Variants in SPAG16 observed in about 807,000 individuals in gnomAD.
The protein encoded by SPAG16 is sperm-associated antigen 16 protein.
Under a neutral mutation model 80.4 loss-of-function variants are expected in SPAG16, and 86 were observed. The ratio of observed to expected loss-of-function variants is 1.07; its 90% CI spans 0.90 to 1.28. SPAG16 has a LOEUF of 1.28. SPAG16 is among the 50% of genes most tolerant of loss of function. The pLI, the probability that SPAG16 is intolerant of heterozygous loss-of-function variation, is 0.00. For missense variants in SPAG16, 870 were observed against 765.3 expected, an observed-to-expected ratio of 1.14 and a Z score of -1.61; for synonymous variants, 294 against 265.9, an observed-to-expected ratio of 1.11 and a Z score of -1.03.
chr2:213,597,542 A>G (rs1181265644), intron 10 of SPAG16, among the ~76,000 whole-genome samples: 6 of 152,172 alleles, frequency 3.9e-5, no homozygotes, highest in African/African-American at 7.2e-5. Flanking sequence ...AATTTACTGA[A>G]ACAAGATTTT....
chr2:214,360,053 G>A (rs1162990009), intron 15 of SPAG16, among the ~76,000 whole-genome samples: 2 of 151,738 alleles, frequency 1.3e-5, no homozygotes, highest in African/African-American at 4.8e-5. Flanking sequence ...ACAGAACTTG[G>A]TCAGCAATTT....
chr2:214,197,863 T>C (rs894335837), intron 15 of SPAG16, among the ~76,000 whole-genome samples: 1 of 151,782 alleles, frequency 6.6e-6, no homozygotes, highest in African/African-American at 2.4e-5. Context: ...TTCTAAAATA[T>C]ATATATATTA....
chr2:213,597,780 TTC>T lies in SPAG16; in HGVS notation c.1070+107694_1070+107695del, dbSNP rs573814601. On this transcript the variant is annotated intron_variant, in intron 10 of 15. Coordinates refer to ENST00000331683, the MANE Select transcript of SPAG16 (RefSeq NM_024532.5). ...TTAAATCTTTTGCCCCCCCAAAAAC[TTC>T]TCTGACATATTTTAAGATGGCTATT... Among the ~76,000 whole-genome samples, 356 of 152,240 alleles carry T rather than the reference TTC, an allele frequency of 2.3e-3. 2 individuals carry two copies. The highest frequency in any genetic ancestry group is 8.1e-3 in the African/African-American group (337 of 41,544).
chr2:214,302,392 G>C (rs1694617409), intron 15 of SPAG16, among the ~76,000 whole-genome samples: 2 of 152,134 alleles, frequency 1.3e-5, no homozygotes, highest in African/African-American at 4.8e-5. Context: ...TGCTGTCAAT[G>C]GGGTGTCAAA....
intron 12 of SPAG16, among the ~76,000 whole-genome samples, chr2:213,939,985 T>G (rs990531441): frequency 3.1e-4 from 47 of 152,312 alleles, no homozygotes; most frequent in African/African-American, 1.1e-3. Context: ...TAGTTGTTTT[T>G]CATATTTCGT....
chr2:214,340,069 T>C (rs1697565986), intron 15 of SPAG16, among the ~76,000 whole-genome samples: 1 of 152,162 alleles, frequency 6.6e-6, no homozygotes, highest in African/African-American at 2.4e-5. Context: ...TACACAGTAA[T>C]AGAAAACCAA....
At chr2:214,397,512 C>G (rs1176268257) in intron 15 of SPAG16, among the ~76,000 whole-genome samples, 2 of 152,086 alleles carry the variant, frequency 1.3e-5, no homozygotes, top group African/African-American at 2.4e-5. Flanking sequence ...TCAAATTTTT[C>G]TATTCCTTCG....
intron 14 of SPAG16, among the ~76,000 whole-genome samples, chr2:214,119,594 G>C (rs1015968658): frequency 6.6e-6 from 1 of 152,008 alleles, no homozygotes; most frequent in South Asian, 2.1e-4. Flanking sequence ...GCTCTTGCTG[G>C]ACTTTTCCAT....
chr2:213,855,596 A>G (rs567004163), intron 10 of SPAG16, among the ~76,000 whole-genome samples: 1 of 152,312 alleles, frequency 6.6e-6, no homozygotes, highest in East Asian at 1.9e-4. Flanking sequence ...TGGGAAATTT[A>G]TGAAGAAAAG....
intron 13 of SPAG16, among the ~76,000 whole-genome samples, chr2:214,088,196 C>G (rs1030800267): frequency 6.6e-6 from 1 of 151,148 alleles, no homozygotes; most frequent in Non-Finnish European, 1.5e-5. Context: ...TGCAAAGGAA[C>G]AAAAATATTG....
In SPAG16 at chr2:213,412,534, T is replaced by C. The variant is rs16850283; in HGVS notation, c.942+37415T>C. ...GAATCAAAGTTTTATCCTATGTTGG[T>C]CCTCAATAAATCCTATCATACTTCC... On this transcript the variant is annotated intron_variant, in intron 9 of 15. Coordinates refer to ENST00000331683, the MANE Select transcript of SPAG16 (RefSeq NM_024532.5). Among the ~76,000 whole-genome samples the C allele has an allele frequency of 4.7e-3, 722 of 152,344 alleles. 11 individuals carry two copies. The highest frequency in any genetic ancestry group is 0.016 in the African/African-American group (676 of 41,568).
chr2:214,250,927 A>T (rs988333867), intron 15 of SPAG16, among the ~76,000 whole-genome samples: 20 of 151,442 alleles, frequency 1.3e-4, no homozygotes, highest in African/African-American at 4.6e-4. Context: ...AATGTCAGAA[A>T]AATATGCTAC....
At chr2:214,308,208 A>T (rs1351383947) in intron 15 of SPAG16, among the ~76,000 whole-genome samples, 1 of 150,720 alleles carries the variant, frequency 6.6e-6, no homozygotes. Flanking sequence ...TAGGATTGCA[A>T]CTCCTCCTTT....
chr2:214,078,765 A>G (rs766054222), intron 13 of SPAG16, among the ~76,000 whole-genome samples: 2 of 152,184 alleles, frequency 1.3e-5, no homozygotes, highest in Admixed American at 6.5e-5. Context: ...AAATATCTTT[A>G]GGGGTTGTTG....
At chr2:214,366,050 C>G (rs1437584611) in intron 15 of SPAG16, among the ~76,000 whole-genome samples, 1 of 150,994 alleles carries the variant, frequency 6.6e-6, no homozygotes, top group East Asian at 2.0e-4. Context: ...ATGATCTCGG[C>G]TCACTGCAAC....
chr2:213,623,532 A>T lies in SPAG16; in HGVS notation c.1070+133442A>T, dbSNP rs191088217. Among the ~76,000 whole-genome samples the T allele has an allele frequency of 4.6e-5, 7 of 152,224 alleles. No individual in the cohort carries two copies. In the East Asian group the frequency reaches 1.2e-3, roughly 25 times the overall value. ...CAACTTCTTTTGTTCCATTGTCAGA[A>T]TCTAAAGAAATATTATCTTTCTACC... On this transcript the variant is annotated intron_variant, in intron 10 of 15. Transcript: ENST00000331683.
At chr2:214,145,369 A>G (rs563135849) in intron 14 of SPAG16, among the ~76,000 whole-genome samples, 3 of 152,246 alleles carry the variant, frequency 2.0e-5, no homozygotes, top group African/African-American at 7.2e-5. Context: ...TCCATTTTGT[A>G]TTTATAAATA....
chr2:214,178,127 C>T (rs1291712970), intron 15 of SPAG16, among the ~76,000 whole-genome samples: 1 of 147,662 alleles, frequency 6.8e-6, no homozygotes, highest in Non-Finnish European at 1.5e-5. Context: ...CTTTTATTAA[C>T]CCAAATTAGC....
At chr2:213,888,045 G>C (rs1029262432) in intron 11 of SPAG16, among the ~76,000 whole-genome samples, 3 of 151,748 alleles carry the variant, frequency 2.0e-5, no homozygotes, top group Non-Finnish European at 3.0e-5. Context: ...TATTTAGTTT[G>C]TATTTCTTTC....
Sources: gnomAD v4.1 joint callset for allele counts (sites outside exome capture counted in the v4.1 genomes callset) on GRCh38, gnomAD v4.1.1 for gene constraint, MANE v1.5 for transcripts, NCBI Gene and HGNC (gene_info 2026-07-23, HGNC 2026-07-21) for gene names.